The following CACNA2D3 variants were observed in gnomAD, a reference collection of about 807,000 sequenced individuals.
CACNA2D3 encodes the protein voltage-dependent calcium channel subunit alpha-2/delta-3.
A neutral mutation model predicts 160.6 loss-of-function variants in CACNA2D3; 60 were observed. That is an observed-to-expected ratio of 0.37 (90% CI 0.30 to 0.46). The LOEUF is 0.46. Ranked by LOEUF, CACNA2D3 falls within the 20% of genes least tolerant of loss-of-function variation. The pLI, the probability that CACNA2D3 is intolerant of heterozygous loss-of-function variation, is 1.00. For missense variants in CACNA2D3, 1,205 were observed against 1,365.0 expected (o/e 0.88, Z 1.85); for synonymous variants, 558 against 492.9 (o/e 1.13, Z -1.75).
At chr3:54,381,627 C>T (rs761141938) in intron 3 of CACNA2D3, among the ~76,000 whole-genome samples, 3 of 152,158 alleles carry the variant, frequency 2.0e-5, no homozygotes, top group African/African-American at 7.2e-5. Flanking sequence ...ATTTAAGTGT[C>T]GCGGGGAGGA....
At chr3:54,379,608 G>A (rs1366736819) in intron 3 of CACNA2D3, among the ~76,000 whole-genome samples, 1 of 152,116 alleles carries the variant, frequency 6.6e-6, no homozygotes, top group East Asian at 1.9e-4. Flanking sequence ...AGTCATTGTT[G>A]TGGCCTCTGT....
At chr3:54,871,509 T>G (rs879458611) in intron 17 of CACNA2D3, 30 bp from the exon 18 acceptor site, 3 of 1,569,658 alleles carry the variant, frequency 1.9e-6, no homozygotes, top group Non-Finnish European at 2.6e-6. Flanking sequence ...ACTTTTGTTT[T>G]TCTTTTCTTT....
At chr3:54,386,854 ATTTT>A in intron 4 of CACNA2D3, 80 bp downstream of exon 4, 1 of 1,293,262 alleles carries the variant, frequency 7.7e-7, no homozygotes, top group Non-Finnish European at 1.1e-6. Flanking sequence ...AGGAATACTG[ATTTT>A]TCAGTGATTG....
At chr3:54,631,096 CGGGAGGCTGAG>C in intron 10 of CACNA2D3, among the ~76,000 whole-genome samples, 1 of 151,902 alleles carries the variant, frequency 6.6e-6, no homozygotes, top group South Asian at 2.1e-4. Flanking sequence ...CCCAGCTATT[CGGGAGGCTGAG>C]GCAGGAGAAT....
chr3:54,368,038 A>G (rs1348642470), intron 3 of CACNA2D3, among the ~76,000 whole-genome samples: 1 of 152,202 alleles, frequency 6.6e-6, no homozygotes, highest in South Asian at 2.1e-4. Flanking sequence ...GAGAGCATAG[A>G]TTAGGTGGTT....
chr3:54,657,380 A>T (rs900321259), intron 11 of CACNA2D3, among the ~76,000 whole-genome samples: 1 of 152,052 alleles, frequency 6.6e-6, no homozygotes, highest in African/African-American at 2.4e-5. Flanking sequence ...TGTGATTAGA[A>T]CACTTAACGT....
At chr3:54,768,710 T>G (rs899278914) in intron 13 of CACNA2D3, among the ~76,000 whole-genome samples, 1 of 152,206 alleles carries the variant, frequency 6.6e-6, no homozygotes, top group Non-Finnish European at 1.5e-5. Context: ...CATTACTAAG[T>G]AAACTTGGTA....
chr3:54,670,218 C>T (rs960484037), intron 11 of CACNA2D3, among the ~76,000 whole-genome samples: 2 of 152,118 alleles, frequency 1.3e-5, no homozygotes, highest in African/African-American at 4.8e-5. Context: ...TCCTGCCCAC[C>T]CAAAAGGTGA....
intron 11 of CACNA2D3, among the ~76,000 whole-genome samples, chr3:54,690,512 ATTAC>A (rs1700552161): frequency 6.6e-6 from 1 of 152,146 alleles, no homozygotes. Context: ...CATCATCATC[ATTAC>A]TTTTATCTCA....
chr3:54,515,174 CTGTGTGTG>C (rs34453702), intron 5 of CACNA2D3, among the ~76,000 whole-genome samples: 8 of 134,328 alleles, frequency 6.0e-5, no homozygotes, highest in Non-Finnish European at 9.6e-5. Flanking sequence ...GTGTGTGTGT[CTGTGTGTG>C]TGTGTGTGTG....
chr3:54,209,419 A>G (rs1701331435), intron 2 of CACNA2D3, among the ~76,000 whole-genome samples: 1 of 152,186 alleles, frequency 6.6e-6, no homozygotes, highest in African/African-American at 2.4e-5. Context: ...ATGTGAGAGA[A>G]CTTTCAACAG....
At chr3:54,987,313 A>G (rs1702635954) in intron 30 of CACNA2D3, among the ~76,000 whole-genome samples, 1 of 152,184 alleles carries the variant, frequency 6.6e-6, no homozygotes, top group Non-Finnish European at 1.5e-5. Context: ...AAGCCCTCTC[A>G]TAGTCTGTTT....
In CACNA2D3 at chr3:54,424,288, A is replaced by T. The variant is rs943982645; in HGVS notation, c.381+37514A>T. Among the ~76,000 whole-genome samples the T allele has an allele frequency of 3.9e-5, 6 of 152,206 alleles. 1 individual carries two copies. Among genetic ancestry groups the T allele is most frequent in the Non-Finnish European group, 4.4e-5 (3 of 68,032 alleles). On this transcript the variant is annotated intron_variant, in intron 4 of 37. Coordinates refer to ENST00000474759, the MANE Select transcript of CACNA2D3 (RefSeq NM_018398.3). ...AAAGAGGCAGGAGCCCCTGGGGTGC[A>T]GGTGCAGCTGTGAGGAGAAGCTCCT...
intron 9 of CACNA2D3, among the ~76,000 whole-genome samples, chr3:54,612,673 C>T (rs530235668): frequency 3.3e-5 from 5 of 152,124 alleles, no homozygotes; most frequent in African/African-American, 7.2e-5. Flanking sequence ...TACTGCCTAC[C>T]AGGTCAAAAA....
intron 34 of CACNA2D3, among the ~76,000 whole-genome samples, chr3:55,009,811 G>C (rs1269054022): frequency 2.0e-5 from 3 of 152,174 alleles, no homozygotes; most frequent in Non-Finnish European, 4.4e-5. Context: ...TTCTATTTCT[G>C]TTTTCACAGT....
intron 35 of CACNA2D3, among the ~76,000 whole-genome samples, chr3:55,052,708 G>C (rs978436177): frequency 3.3e-5 from 5 of 152,026 alleles, no homozygotes; most frequent in Non-Finnish European, 1.5e-5. Context: ...TGCCTTTTTA[G>C]TGAATTGGCT....
At chr3:54,773,476 G>C (rs979900712) in intron 13 of CACNA2D3, among the ~76,000 whole-genome samples, 2 of 152,198 alleles carry the variant, frequency 1.3e-5, no homozygotes, top group African/African-American at 4.8e-5. Context: ...ACATGGCAAG[G>C]AGGAAACTGA....
chr3:54,469,298 C>T (rs1195408898), intron 4 of CACNA2D3, among the ~76,000 whole-genome samples: 1 of 152,218 alleles, frequency 6.6e-6, no homozygotes, highest in African/African-American at 2.4e-5. Flanking sequence ...GTCTGGAGTG[C>T]ACCTCCAGCA....
At chr3:54,879,275 T>C (rs1699736250) in intron 19 of CACNA2D3, 75 bp from the exon 20 acceptor site, 1 of 1,156,012 alleles carries the variant, frequency 8.7e-7, no homozygotes, top group African/African-American at 1.6e-5. Context: ...TATTTTTATT[T>C]ATTTCTGAAG....
Sources: gnomAD v4.1 joint callset for allele counts (sites outside exome capture counted in the v4.1 genomes callset) on GRCh38, gnomAD v4.1.1 for gene constraint, MANE v1.5 for transcripts, NCBI Gene and HGNC (gene_info 2026-07-23, HGNC 2026-07-21) for gene names.